Variants in LHFPL3 observed in about 807,000 individuals in gnomAD.
LHFPL3 encodes LHFPL tetraspan subfamily member 3.
In LHFPL3, 5 loss-of-function variants were observed where a neutral mutation model predicts 19.3. That is an observed-to-expected ratio of 0.26 (90% CI 0.14 to 0.54). The LOEUF (loss-of-function observed/expected upper bound fraction) is 0.54, where lower values mean the gene tolerates loss of function less well. Ranked by LOEUF, LHFPL3 falls within the 20% of genes least tolerant of loss-of-function variation. The pLI, the probability that LHFPL3 is intolerant of heterozygous loss-of-function variation, is 0.94. For synonymous variants in LHFPL3, 133 were observed against 126.2 expected, an observed-to-expected ratio of 1.05 and a Z score of -0.36; for missense variants, 249 against 307.4, an observed-to-expected ratio of 0.81 and a Z score of 1.42.
intron 1 of LHFPL3, among the ~76,000 whole-genome samples, chr7:104,529,473 A>T (rs1794253234): frequency 6.6e-6 from 1 of 151,602 alleles, no homozygotes; most frequent in Admixed American, 6.6e-5. Flanking sequence ...CTTCAGAAAA[A>T]CTCAATCTCA....
chr7:104,762,771 A>C (rs1794396375), intron 2 of LHFPL3, among the ~76,000 whole-genome samples: 1 of 152,170 alleles, frequency 6.6e-6, no homozygotes, highest in Non-Finnish European at 1.5e-5. Context: ...AAAGATGAAG[A>C]ATCTAAGGTT....
chr7:104,439,783 C>A (rs1792180428), intron 1 of LHFPL3, among the ~76,000 whole-genome samples: 1 of 151,924 alleles, frequency 6.6e-6, no homozygotes, highest in Admixed American at 6.6e-5. Context: ...AGATTAGGAA[C>A]AAAACAAGGA....
intron 1 of LHFPL3, among the ~76,000 whole-genome samples, chr7:104,522,815 G>C (rs1418470895): frequency 6.6e-6 from 1 of 152,084 alleles, no homozygotes; most frequent in East Asian, 1.9e-4. Context: ...AACAGGGTAA[G>C]ACTTTGAAAA....
At chr7:104,813,086 G>C (rs925110468) in intron 2 of LHFPL3, among the ~76,000 whole-genome samples, 1 of 151,808 alleles carries the variant, frequency 6.6e-6, no homozygotes, top group African/African-American at 2.4e-5. Context: ...TGCACTCCAG[G>C]CTAGGCAACA....
At chr7:104,746,311 C>CAAAAAAA (rs547925139) in intron 2 of LHFPL3, among the ~76,000 whole-genome samples, 1 of 146,768 alleles carries the variant, frequency 6.8e-6, no homozygotes. Context: ...GACTCCATCT[C>CAAAAAAA]AAAAAAAAAA....
intron 1 of LHFPL3, among the ~76,000 whole-genome samples, chr7:104,413,181 T>G (rs1791564015): frequency 6.6e-6 from 1 of 152,206 alleles, no homozygotes; most frequent in Admixed American, 6.5e-5. Flanking sequence ...TCCTTCCCTG[T>G]CAGACCAAAC....
chr7:104,555,146 C>T (rs1794739998), intron 1 of LHFPL3, among the ~76,000 whole-genome samples: 1 of 152,198 alleles, frequency 6.6e-6, no homozygotes, highest in South Asian at 2.1e-4. Context: ...ATGACGCTTT[C>T]CCAGCTATCT....
At chr7:104,372,101 A>G (rs1264206216) in intron 1 of LHFPL3, among the ~76,000 whole-genome samples, 1 of 152,238 alleles carries the variant, frequency 6.6e-6, no homozygotes, top group Non-Finnish European at 1.5e-5. Context: ...CCAAACAGTC[A>G]TTAGAAACAG....
At chr7:104,354,191 T>C (rs1562872824) in intron 1 of LHFPL3, among the ~76,000 whole-genome samples, 1 of 152,250 alleles carries the variant, frequency 6.6e-6, no homozygotes. Flanking sequence ...GTTTTGAAGC[T>C]CCACCCACGT....
chr7:104,352,147 A>G (rs1377807367), intron 1 of LHFPL3, among the ~76,000 whole-genome samples: 1 of 151,932 alleles, frequency 6.6e-6, no homozygotes, highest in South Asian at 2.1e-4. Context: ...CTTGGACCTC[A>G]GAGCGAGGCC....
intron 1 of LHFPL3, among the ~76,000 whole-genome samples, chr7:104,333,036 C>T (rs757006268): frequency 7.9e-5 from 12 of 151,552 alleles, no homozygotes; most frequent in Non-Finnish European, 1.8e-4. Context: ...GTAATAAAGT[C>T]CAGATTTTTA....
intron 1 of LHFPL3, among the ~76,000 whole-genome samples, chr7:104,540,736 G>A (rs1794470492): frequency 6.6e-6 from 1 of 152,104 alleles, no homozygotes; most frequent in African/African-American, 2.4e-5. Context: ...CCCTCTTTCA[G>A]GTGGGGAAAC....
At chr7:104,631,981 A>AT (rs2115851253) in intron 1 of LHFPL3, among the ~76,000 whole-genome samples, 2 of 152,306 alleles carry the variant, frequency 1.3e-5, no homozygotes, top group East Asian at 3.9e-4. Flanking sequence ...GCTGGGAAAA[A>AT]TCAGGGACTG....
intron 1 of LHFPL3, among the ~76,000 whole-genome samples, chr7:104,353,352 G>T (rs1195672073): frequency 6.6e-6 from 1 of 152,158 alleles, no homozygotes. Context: ...ACCACATGAG[G>T]ATGGTAAGGT....
At chr7:104,562,933 AC>A (rs1355610558) in intron 1 of LHFPL3, among the ~76,000 whole-genome samples, 2 of 151,764 alleles carry the variant, frequency 1.3e-5, no homozygotes, top group African/African-American at 4.8e-5. Context: ...CTGTTGGAGT[AC>A]CCTGCCGTGT....
chr7:104,359,911 G>A (rs1042771360), intron 1 of LHFPL3, among the ~76,000 whole-genome samples: 5 of 152,232 alleles, frequency 3.3e-5, no homozygotes, highest in African/African-American at 1.2e-4. Context: ...ATACTTCATA[G>A]ACATGGTTTT....
At chr7:104,673,203 A>G (rs1004045607) in intron 1 of LHFPL3, among the ~76,000 whole-genome samples, 1 of 152,228 alleles carries the variant, frequency 6.6e-6, no homozygotes, top group African/African-American at 2.4e-5. Flanking sequence ...TTTTTAAAAC[A>G]CTCATGCAAA....
At chr7:104,608,099 G>A (rs1029123470) in intron 1 of LHFPL3, among the ~76,000 whole-genome samples, 1 of 152,030 alleles carries the variant, frequency 6.6e-6, no homozygotes, top group South Asian at 2.1e-4. Context: ...GATTCCTCAG[G>A]GATCTAGAAC....
intron 1 of LHFPL3, among the ~76,000 whole-genome samples, chr7:104,678,231 G>A (rs1162069218): frequency 2.6e-5 from 4 of 152,128 alleles, no homozygotes; most frequent in Non-Finnish European, 4.4e-5. Context: ...GTTATAAAGT[G>A]TATAATTGAA....
Sources: allele counts gnomAD v4.1 joint callset (sites outside exome capture counted in the v4.1 genomes callset), GRCh38; gene constraint gnomAD v4.1.1; transcripts MANE v1.5; gene names NCBI Gene and HGNC (gene_info 2026-07-23, HGNC 2026-07-21).